ABCA6: variants seen among roughly 807,000 people sequenced by gnomAD.
ABCA6 encodes the protein ATP binding cassette subfamily A member 6.
Under a neutral mutation model 191.2 loss-of-function variants are expected in ABCA6, and 164 were observed. That is an observed-to-expected ratio of 0.86 (90% CI 0.76 to 0.98). The LOEUF is 0.98. Among genes scored for constraint, ABCA6 ranks in the 50% least tolerant of loss-of-function variants. The pLI is 0.00. For synonymous variants in ABCA6, 636 were observed against 647.7 expected, an observed-to-expected ratio of 0.98 and a Z score of 0.27; for missense variants, 1,958 against 1,894.1, an observed-to-expected ratio of 1.03 and a Z score of -0.63.
At chr17:69,103,409 T>C (rs371560294) in intron 20 of ABCA6, among the ~76,000 whole-genome samples, 12 of 152,332 alleles carry the variant, frequency 7.9e-5, no homozygotes, top group East Asian at 1.9e-4. Context: ...GTATAACACA[T>C]ACATATGTTT....
At chr17:69,110,567 C>T in intron 17 of ABCA6, 1 of 420,338 alleles carries the variant, frequency 2.4e-6, no homozygotes, top group Non-Finnish European at 4.2e-6. Context: ...CTCCAGAATT[C>T]AGACTTCCCT....
intron 10 of ABCA6, among the ~76,000 whole-genome samples, chr17:69,122,891 A>G (rs1222841854): frequency 6.6e-6 from 1 of 151,912 alleles, no homozygotes; most frequent in Admixed American, 6.6e-5. Context: ...ATTTTGCCTC[A>G]AGCTCACCCT....
chr17:69,100,732 AG>A, intron 22 of ABCA6, 64 bp downstream of exon 22: 1 of 1,451,436 alleles, frequency 6.9e-7, no homozygotes, highest in East Asian at 2.4e-5. Flanking sequence ...TAAAAGCTAA[AG>A]AGAGAAAACA....
chr17:69,121,700 G>A (rs921102511), intron 10 of ABCA6, among the ~76,000 whole-genome samples: 1 of 151,850 alleles, frequency 6.6e-6, no homozygotes, highest in East Asian at 1.9e-4. Flanking sequence ...AAATTTTGAG[G>A]TCTTTGTAAG....
chr17:69,092,744 T>C (rs1470772874), intron 25 of ABCA6, among the ~76,000 whole-genome samples: 1 of 152,176 alleles, frequency 6.6e-6, no homozygotes, highest in Non-Finnish European at 1.5e-5. Context: ...GGATCCCAGA[T>C]CACCAAAGGA....
intron 13 of ABCA6, among the ~76,000 whole-genome samples, 169 bp downstream of exon 13, chr17:69,114,593 A>G (rs1439753137): frequency 1.3e-5 from 2 of 152,158 alleles, no homozygotes; most frequent in African/African-American, 4.8e-5. Flanking sequence ...AAAATGATTC[A>G]TATTATGCAA....
At chr17:69,095,478 C>T (rs1211934406) in intron 25 of ABCA6, 1 of 152,178 alleles carries the variant, frequency 6.6e-6, no homozygotes, top group Non-Finnish European at 1.5e-5. Context: ...GAGTCCCAGA[C>T]TAATTTCTTG....
intron 4 of ABCA6, 38 bp downstream of exon 4, chr17:69,136,054 T>A: frequency 6.3e-7 from 1 of 1,587,302 alleles, no homozygotes; most frequent in Non-Finnish European, 8.6e-7. Context: ...GTTGAAAACA[T>A]GAAAAATTCC....
Position 69,140,705 on chromosome 17 carries a change from T to C in ABCA6, c.-2A>G. 1 of 1,568,182 alleles carries C rather than the reference T, an allele frequency of 6.4e-7. No individual in the cohort carries two copies. Among genetic ancestry groups the C allele is most frequent in the Non-Finnish European group, 8.6e-7 (1 of 1,157,730 alleles). On this transcript the variant is annotated 5_prime_UTR_variant, in exon 2 of 39. Transcript: ENST00000284425. Reference sequence around the variant, plus strand: ...CACGCTTTTCTGTTTCATATTCATTTAGCCTATTCGCTGAAGGAGAAAGTA... The same window carrying C: ...CACGCTTTTCTGTTTCATATTCATTCAGCCTATTCGCTGAAGGAGAAAGTA...
chr17:69,089,477 T>C lies in ABCA6; in HGVS notation c.3594A>G (p.Leu1198=). 3 of 1,613,750 alleles carry C rather than the reference T, an allele frequency of 1.9e-6. No homozygotes were observed. The South Asian group carries it at 3.3e-5, about 18-fold the overall frequency. ...AAGCCCTTCTTACTATGAAGCAGACTAGAAAATCAGTGGCACTCAATTCAA... is the reference window on the plus strand; with the variant it reads ...AAGCCCTTCTTACTATGAAGCAGACCAGAAAATCAGTGGCACTCAATTCAA... ...ANFELSATDF[L]VCFIPYFQTL... is the part of the protein sequence containing the mutation. The change falls in exon 27 of 39, where the codon CTA becomes CTG. Residue 1198 remains leucine, a synonymous_variant. Coordinates refer to ENST00000284425, the MANE Select transcript of ABCA6 (RefSeq NM_080284.3).
chr17:69,113,382 A>T, intron 14 of ABCA6, 22 bp from the exon 15 acceptor site: 7 of 1,578,014 alleles, frequency 4.4e-6, no homozygotes, highest in Non-Finnish European at 6.0e-6. Flanking sequence ...GAAGATATAT[A>T]AAATATGTCT....
In ABCA6 at chr17:69,129,728, G is replaced by A; in HGVS notation, c.815C>T (p.Ala272Val). The change falls in exon 7 of 39, where the codon GCT becomes GTT. Residue 272 changes from alanine (A) to valine (V), a missense_variant. Ala to Val is a moderately conservative substitution (Grantham distance 64, BLOSUM62 0). Coordinates refer to ENST00000284425, the MANE Select transcript of ABCA6 (RefSeq NM_080284.3). ...AFWLSWGLIY[A>V]GFIFIISIFV... is the part of the protein sequence containing the mutation. ...TATGGAAATAATAAAGATGAAGCCA[G>A]CATAGATTAGACCCCAGGAGAGCCT... The A allele has an allele frequency of 6.2e-7, 1 of 1,601,028 alleles. No individual in the cohort carries two copies. Among genetic ancestry groups the A allele is most frequent in the Non-Finnish European group, 8.5e-7 (1 of 1,171,820 alleles).
At position 69,106,192 on chromosome 17, in the gene ABCA6, C is replaced by T. The variant is rs140991258; in HGVS notation, c.2409G>A (p.Met803Ile). 1 of 1,612,030 alleles carries T rather than the reference C, an allele frequency of 6.2e-7. No homozygotes were observed. The highest frequency in any genetic ancestry group is 8.5e-7 in the Non-Finnish European group (1 of 1,179,294). ...CATTGAGGCTTTCTGAGTCTCTTAT[C>T]ATCTCCACTTGTTCGAAATCTATAA... The part of the protein sequence containing the change: ...TIEQDFEQVE[M>I]IRDSESLNEM... The change falls in exon 19 of 39, where the codon ATG (methionine) becomes ATA (isoleucine). Residue 803 changes from methionine (M) to isoleucine (I), a missense_variant. Physicochemically the swap from Met to Ile is conservative, Grantham distance 10. Coordinates refer to ENST00000284425, the MANE Select transcript of ABCA6 (RefSeq NM_080284.3).
intron 6 of ABCA6, among the ~76,000 whole-genome samples, chr17:69,132,686 G>A (rs2073885267): frequency 6.6e-6 from 1 of 152,142 alleles, no homozygotes; most frequent in African/African-American, 2.4e-5. Context: ...CACCATGTTG[G>A]TCATGCTGGT....
Position 69,136,170 on chromosome 17 carries a change from T to C in ABCA6, c.382A>G (p.Ile128Val), listed in dbSNP as rs1413978747. ...LENLPYAMGI[I>V]FNETFSYKLI... is the part of the protein sequence containing the mutation. ...TTATAAGAGAAAGTTTCATTAAAGA[T>C]GATTCCCATAGCATATGGTAAATTT... Residue 128 changes from isoleucine to valine, a missense_variant, in exon 4 of 39, where the codon ATC becomes GTC. Coordinates refer to ENST00000284425, the MANE Select transcript of ABCA6 (RefSeq NM_080284.3). The C allele has an allele frequency of 5.6e-6, 9 of 1,605,446 alleles. No individual in the cohort carries two copies. Among genetic ancestry groups the C allele is most frequent in the Non-Finnish European group, 7.7e-6 (9 of 1,174,946 alleles).
intron 16 of ABCA6, 30 bp from the exon 17 acceptor site, chr17:69,110,970 T>C (rs756634494): frequency 1.9e-6 from 3 of 1,563,244 alleles, no homozygotes; most frequent in African/African-American, 2.8e-5. Flanking sequence ...ATAAGTCATT[T>C]GCATTTTCTC....
intron 30 of ABCA6, among the ~76,000 whole-genome samples, chr17:69,086,057 T>C (rs1394435209): frequency 6.6e-6 from 1 of 152,178 alleles, no homozygotes. Flanking sequence ...TTAGGGATAT[T>C]TTCTTCATCC....
chr17:69,106,335 G>C, intron 18 of ABCA6, 124 bp from the exon 19 acceptor site: 1 of 986,328 alleles, frequency 1.0e-6, no homozygotes, highest in South Asian at 2.2e-5. Flanking sequence ...GCTTATGCCT[G>C]TAATCCCAGT....
At position 69,100,924 on chromosome 17, in the gene ABCA6, A is replaced by G; in HGVS notation, c.2885T>C (p.Phe962Ser). The change falls in exon 22 of 39, where the codon TTT becomes TCT. Residue 962 changes from phenylalanine (F) to serine (S), a missense_variant. By Grantham distance (155) the Phe-to-Ser change is radical (BLOSUM62 -2). Coordinates refer to ENST00000284425, the MANE Select transcript of ABCA6 (RefSeq NM_080284.3). ...IVSGKQKDYR[F>S]SVVCNTKRLH... ...TCTCTTGGTATTACACACAACTGAA[A>G]ATCTATAATCCTTAAAACAGAAACA... The G allele has an allele frequency of 6.3e-7, 1 of 1,590,022 alleles. No individual in the cohort carries two copies. The highest frequency in any genetic ancestry group is 8.6e-7 in the Non-Finnish European group (1 of 1,166,718).
Sources: allele counts gnomAD v4.1 joint callset (sites outside exome capture counted in the v4.1 genomes callset), GRCh38; gene constraint gnomAD v4.1.1; transcripts MANE v1.5; gene names NCBI Gene and HGNC (gene_info 2026-07-23, HGNC 2026-07-21).